PRKG2: variants seen among roughly 807,000 people sequenced by gnomAD.
PRKG2 encodes protein kinase cGMP-dependent 2, also known as cGMP-dependent protein kinase 2.
In PRKG2, 33 loss-of-function variants were observed where a neutral mutation model predicts 97.2. The ratio of observed to expected loss-of-function variants is 0.34; its 90% CI spans 0.26 to 0.45. The LOEUF (loss-of-function observed/expected upper bound fraction) is 0.45. Ranked by LOEUF, PRKG2 falls within the 20% of genes least tolerant of loss-of-function variation. The pLI is 1.00. For missense variants in PRKG2, 638 were observed against 900.0 expected (o/e 0.71, Z 3.73); for synonymous variants, 330 against 321.8 (o/e 1.03, Z -0.27).
intron 14 of PRKG2, among the ~76,000 whole-genome samples, chr4:81,127,092 A>G (rs1189105869): frequency 6.6e-6 from 1 of 152,202 alleles, no homozygotes; most frequent in Non-Finnish European, 1.5e-5. Context: ...ATGACTAGCC[A>G]GTTTTTCCCG....
At chr4:81,112,759 T>C (rs1220451442) in intron 14 of PRKG2, among the ~76,000 whole-genome samples, 1 of 152,208 alleles carries the variant, frequency 6.6e-6, no homozygotes, top group East Asian at 1.9e-4. Context: ...TTAAGACAAG[T>C]GCCTAATATA....
At chr4:81,191,840 T>C (rs1752550982) in intron 2 of PRKG2, among the ~76,000 whole-genome samples, 1 of 152,178 alleles carries the variant, frequency 6.6e-6, no homozygotes, top group South Asian at 2.1e-4. Flanking sequence ...GACTGAATGC[T>C]GTTGAATGCA....
At chr4:81,172,851 G>A (rs188731701) in intron 3 of PRKG2, among the ~76,000 whole-genome samples, 1 of 152,122 alleles carries the variant, frequency 6.6e-6, no homozygotes, top group East Asian at 1.9e-4. Flanking sequence ...TGTTCCAAGT[G>A]CCAGAGCCAT....
chr4:81,181,697 G>A (rs925637052), intron 2 of PRKG2, among the ~76,000 whole-genome samples: 69 of 137,826 alleles, frequency 5.0e-4, no homozygotes, highest in African/African-American at 2.1e-3. Context: ...ACATCACTAT[G>A]GATATTACAG....
At chr4:81,195,463 C>CTCA (rs1197687225) in intron 2 of PRKG2, among the ~76,000 whole-genome samples, 1 of 152,056 alleles carries the variant, frequency 6.6e-6, no homozygotes, top group African/African-American at 2.4e-5. Flanking sequence ...TAAGTATATT[C>CTCA]TCATTGTTTT....
At chr4:81,118,641 T>G (rs898853052) in intron 14 of PRKG2, among the ~76,000 whole-genome samples, 16 of 152,210 alleles carry the variant, frequency 1.1e-4, no homozygotes, top group South Asian at 2.1e-4. Flanking sequence ...TTTAATCAAG[T>G]TGTTTGTTTT....
chr4:81,216,891 TTGTGTGTGTGTGTG>T (rs68179456), upstream of PRKG2, among the ~76,000 whole-genome samples: 18 of 131,512 alleles, frequency 1.4e-4, no homozygotes, highest in South Asian at 2.7e-4. Context: ...TAGTATTCCA[TTGTGTGTGTGTGTG>T]TGTGTGTGTG....
At position 81,137,230 on chromosome 4, in the gene PRKG2, C is replaced by T. The variant is rs763416828; in HGVS notation, c.1634+163G>A. 5.9e-5 allele frequency among the ~76,000 whole-genome samples: 9 copies of T among 152,166 alleles called. No homozygotes were observed. The East Asian group carries it at 7.7e-4, about 13-fold the overall frequency. On this transcript the variant is annotated intron_variant, in intron 13 of 18. Transcript: ENST00000264399. ...ACAACAACTACCTTACGTGGTGTTA[C>T]GGCACTATTGTAGCATTAGCCAAGA... is the stretch of plus-strand genomic sequence containing the variant.
intron 2 of PRKG2, among the ~76,000 whole-genome samples, chr4:81,190,950 T>C: frequency 6.6e-6 from 1 of 152,132 alleles, no homozygotes; most frequent in South Asian, 2.1e-4. Flanking sequence ...CTGGAGAGGA[T>C]GTGGAGAAAC....
Position 81,106,954 on chromosome 4 carries a change from G to A in PRKG2, c.1941-1019C>T, listed in dbSNP as rs572313486. Among the ~76,000 whole-genome samples, 6 of 152,240 alleles carry A rather than the reference G, an allele frequency of 3.9e-5. No homozygotes were observed. In the South Asian group the frequency reaches 1.0e-3, roughly 26 times the overall value. On this transcript the variant is annotated intron_variant, in intron 15 of 18. Coordinates refer to ENST00000264399, the MANE Select transcript of PRKG2 (RefSeq NM_006259.3). ...TCTGGGACTTCCAACCTGCAGCTGT[G>A]AAAAATAAATGTTTGCTGCTTAAGC...
intron 16 of PRKG2, 148 bp downstream of exon 16, chr4:81,105,665 A>G: frequency 8.5e-7 from 1 of 1,177,050 alleles, no homozygotes; most frequent in African/African-American, 1.5e-5. Flanking sequence ...TACACTGCAA[A>G]ACAGAAAATG....
chr4:81,091,349 C>T (rs1032674938), intron 18 of PRKG2, among the ~76,000 whole-genome samples: 1 of 152,030 alleles, frequency 6.6e-6, no homozygotes, highest in African/African-American at 2.4e-5. Context: ...GTGGCGTGAT[C>T]TCGGCTCACT....
intron 14 of PRKG2, among the ~76,000 whole-genome samples, chr4:81,122,323 A>C (rs1424546771): frequency 2.0e-5 from 3 of 152,182 alleles, no homozygotes; most frequent in Admixed American, 2.0e-4. Context: ...AAGATATAGG[A>C]AACTCTGGGA....
Position 81,100,949 on chromosome 4 carries a change from A to G in PRKG2, c.2126+3421T>C, listed in dbSNP as rs535527270. ...TCAAAAGAAGACATTTATGCAGCCA[A>G]AAGACATATGAAAAAATGCTCATCA... On this transcript the variant is annotated intron_variant, in intron 17 of 18. Coordinates refer to ENST00000264399, the MANE Select transcript of PRKG2 (RefSeq NM_006259.3). 6.6e-5 allele frequency among the ~76,000 whole-genome samples: 10 copies of G among 152,310 alleles called. No individual in the cohort carries two copies. In the South Asian group the frequency reaches 1.9e-3, roughly 28 times the overall value.
At chr4:81,123,352 A>G (rs908654564) in intron 14 of PRKG2, among the ~76,000 whole-genome samples, 1 of 152,010 alleles carries the variant, frequency 6.6e-6, no homozygotes, top group African/African-American at 2.4e-5. Context: ...ACCTTTGTGC[A>G]TCCTCATATT....
At chr4:81,115,697 C>T (rs1744443939) in intron 14 of PRKG2, among the ~76,000 whole-genome samples, 1 of 152,162 alleles carries the variant, frequency 6.6e-6, no homozygotes, top group South Asian at 2.1e-4. Flanking sequence ...ATCACTTTTG[C>T]TCACATTTCA....
intron 11 of PRKG2, among the ~76,000 whole-genome samples, chr4:81,141,945 T>C (rs1395832227): frequency 1.3e-5 from 2 of 152,150 alleles, no homozygotes; most frequent in Non-Finnish European, 2.9e-5. Context: ...ATTTCAAATC[T>C]GCTCATGCCC....
intron 14 of PRKG2, among the ~76,000 whole-genome samples, chr4:81,111,141 A>T (rs1053092526): frequency 1.3e-5 from 2 of 152,016 alleles, no homozygotes; most frequent in African/African-American, 4.8e-5. Context: ...GTCTTTAAAA[A>T]CCATCATACA....
intron 17 of PRKG2, among the ~76,000 whole-genome samples, chr4:81,101,478 A>G (rs1337046721): frequency 6.7e-6 from 1 of 149,878 alleles, no homozygotes; most frequent in Non-Finnish European, 1.5e-5. Context: ...AAAAAACCAA[A>G]TACTTCATGT....
Sources: allele counts gnomAD v4.1 joint callset (sites outside exome capture counted in the v4.1 genomes callset), GRCh38; gene constraint gnomAD v4.1.1; transcripts MANE v1.5; gene names NCBI Gene and HGNC (gene_info 2026-07-23, HGNC 2026-07-21).